The following TNRC18 variants were observed in gnomAD, a reference collection of about 807,000 sequenced individuals.
TNRC18 encodes the protein trinucleotide repeat-containing gene 18 protein.
A neutral mutation model predicts 226.7 loss-of-function variants in TNRC18; 69 were observed. The ratio of observed to expected loss-of-function variants is 0.30; its 90% CI spans 0.25 to 0.37. The LOEUF (loss-of-function observed/expected upper bound fraction) is 0.37, where lower values mean the gene tolerates loss of function less well. Ranked by LOEUF, TNRC18 falls within the 10% of genes least tolerant of loss-of-function variation. The pLI is 1.00. For missense variants in TNRC18, 4,754 were observed against 4,256.6 expected, an observed-to-expected ratio of 1.12 and a Z score of -3.25; for synonymous variants, 2,449 against 1,927.6, an observed-to-expected ratio of 1.27 and a Z score of -7.09.
intron 13 of TNRC18, 48 bp downstream of exon 13, chr7:5,361,849 G>A (rs1793084316): frequency 6.6e-6 from 10 of 1,511,706 alleles, no homozygotes; most frequent in African/African-American, 1.4e-5. Flanking sequence ...CTGGGGGCCT[G>A]GTGGGCCGGG....
chr7:5,422,473 C>G (rs1237369814), intron 1 of TNRC18, among the ~76,000 whole-genome samples: 1 of 152,150 alleles, frequency 6.6e-6, no homozygotes, highest in Non-Finnish European at 1.5e-5. Flanking sequence ...TGTCCTTTGC[C>G]GATTCTCGTG....
chr7:5,383,242 G>A (rs1779523133), intron 5 of TNRC18, among the ~76,000 whole-genome samples: 1 of 152,098 alleles, frequency 6.6e-6, no homozygotes, highest in Admixed American at 6.6e-5. Flanking sequence ...GGGCATGGGG[G>A]CTCTGACTGC....
At chr7:5,317,388 G>C (rs573656735) in intron 24 of TNRC18, among the ~76,000 whole-genome samples, 2 of 152,098 alleles carry the variant, frequency 1.3e-5, no homozygotes, top group African/African-American at 4.8e-5. Flanking sequence ...TCACGAGTTC[G>C]AGGCCAGTCA....
chr7:5,389,471 T>TTTTTTTTTTTTTA, intron 4 of TNRC18, 135 bp from the exon 5 acceptor site: 1 of 923,914 alleles, frequency 1.1e-6, no homozygotes, highest in Non-Finnish European at 1.4e-6. Context: ...GTTTTTTTTT[T>TTTTTTTTTTTTTA]CAGAAAGAGT....
chr7:5,308,047 G>T lies in TNRC18; in HGVS notation c.*59C>A. The T allele has an allele frequency of 1.4e-6, 2 of 1,472,148 alleles. No individual in the cohort carries two copies. The highest frequency in any genetic ancestry group is 1.8e-6 in the Non-Finnish European group (2 of 1,084,320). 91.2% of individuals were successfully genotyped at this position (1,472,148 alleles called of 1,614,324 possible). ...CACGTGGTCTCCGCGCCATGGCAGTGATGGAGATGGGTCCCTGGCCGCCCT... is the reference window on the plus strand; with the variant it reads ...CACGTGGTCTCCGCGCCATGGCAGTTATGGAGATGGGTCCCTGGCCGCCCT... On this transcript the variant is annotated 3_prime_UTR_variant, in exon 30 of 30. Coordinates refer to ENST00000430969, the MANE Select transcript of TNRC18 (RefSeq NM_001080495.3).
At chr7:5,368,169 T>C (rs1168605284) in intron 11 of TNRC18, among the ~76,000 whole-genome samples, 1 of 152,098 alleles carries the variant, frequency 6.6e-6, no homozygotes, top group East Asian at 1.9e-4. Flanking sequence ...AAAACAATGA[T>C]TTTTTAAAAA....
intron 14 of TNRC18, among the ~76,000 whole-genome samples, chr7:5,359,811 G>A (rs528196899): frequency 6.8e-5 from 10 of 147,910 alleles, no homozygotes; most frequent in South Asian, 2.1e-4. Flanking sequence ...TTTCTTGTGC[G>A]CTTTTACGCG....
intron 2 of TNRC18, 23 bp downstream of exon 2, chr7:5,421,031 AGGGGAC>A: frequency 6.5e-7 from 1 of 1,536,156 alleles, no homozygotes; most frequent in South Asian, 1.2e-5. Context: ...GGAAGACAGG[AGGGGAC>A]GGGCACGGCG....
intron 2 of TNRC18, among the ~76,000 whole-genome samples, chr7:5,398,761 G>A (rs1322048352): frequency 6.6e-6 from 1 of 151,004 alleles, no homozygotes; most frequent in Non-Finnish European, 1.5e-5. Context: ...GGGACCACAG[G>A]CACACACCAT....
At chr7:5,420,383 C>CA (rs1196556127) in intron 2 of TNRC18, 1 of 456,244 alleles carries the variant, frequency 2.2e-6, no homozygotes, top group East Asian at 7.0e-5. Context: ...CGCACCTCCG[C>CA]ACCCTCTTTC....
chr7:5,410,400 T>A (rs13235546), intron 2 of TNRC18, among the ~76,000 whole-genome samples: 1 of 149,732 alleles, frequency 6.7e-6, no homozygotes, highest in African/African-American at 2.5e-5. Context: ...CTAGAGAGAA[T>A]AGCAAAAATA....
At chr7:5,352,334 A>G (rs1448853027) in intron 16 of TNRC18, among the ~76,000 whole-genome samples, 1 of 151,188 alleles carries the variant, frequency 6.6e-6, no homozygotes, top group Admixed American at 6.6e-5. Context: ...TGCTGGACCC[A>G]GGCCCTTCCT....
At chr7:5,350,676 G>C (rs1562529158) in intron 17 of TNRC18, among the ~76,000 whole-genome samples, 1 of 152,192 alleles carries the variant, frequency 6.6e-6, no homozygotes, top group African/African-American at 2.4e-5. Flanking sequence ...ATTTCTGGTT[G>C]AAGGGCCCAA....
chr7:5,334,173 G>C (rs1028716794), intron 18 of TNRC18, among the ~76,000 whole-genome samples: 1 of 152,220 alleles, frequency 6.6e-6, no homozygotes, highest in Non-Finnish European at 1.5e-5. Context: ...TACTGACCCC[G>C]GGGGGCAGCC....
intron 10 of TNRC18, among the ~76,000 whole-genome samples, chr7:5,372,288 A>G (rs1794232310): frequency 2.0e-5 from 3 of 150,270 alleles, no homozygotes; most frequent in African/African-American, 7.3e-5. Context: ...CATGTTAGCC[A>G]GGATGGTCTC....
At chr7:5,349,007 G>C (rs1053362687) in intron 17 of TNRC18, among the ~76,000 whole-genome samples, 5 of 152,178 alleles carry the variant, frequency 3.3e-5, no homozygotes, top group Admixed American at 1.3e-4. Context: ...TGAGGCCAGG[G>C]ATCTTCCCTT....
rs140919823 is a variant in TNRC18 at position 5,420,020 on chromosome 7, G to C, written c.187+1040C>G. 1,080 of 164,966 alleles carry C rather than the reference G, an allele frequency of 6.5e-3. 17 individuals carry two copies. The highest frequency in any genetic ancestry group is 0.025 in the African/African-American group (1,017 of 41,430). 10.2% of individuals were successfully genotyped at this position (164,966 alleles called of 1,614,324 possible). On this transcript the variant is annotated intron_variant, in intron 2 of 29. Coordinates refer to ENST00000430969, the MANE Select transcript of TNRC18 (RefSeq NM_001080495.3). Reference sequence around the variant, plus strand: ...TTTAAGTCGAGACTTGGGACGCCAAGCACAAAAGCCAGGGACAGCCCGGGA... The same window carrying C: ...TTTAAGTCGAGACTTGGGACGCCAACCACAAAAGCCAGGGACAGCCCGGGA...
At chr7:5,382,873 G>A (rs1779494476) in intron 5 of TNRC18, among the ~76,000 whole-genome samples, 1 of 152,100 alleles carries the variant, frequency 6.6e-6, no homozygotes, top group African/African-American at 2.4e-5. Flanking sequence ...GTTCATACGG[G>A]CTGCTGGCTC....
chr7:5,315,382 G>A (rs527247205), intron 25 of TNRC18, among the ~76,000 whole-genome samples: 3 of 151,938 alleles, frequency 2.0e-5, no homozygotes, highest in South Asian at 2.1e-4. Flanking sequence ...TTGTGGAACC[G>A]GGACAGGTGG....
Sources: gnomAD v4.1 joint callset for allele counts (sites outside exome capture counted in the v4.1 genomes callset) on GRCh38, gnomAD v4.1.1 for gene constraint, MANE v1.5 for transcripts, NCBI Gene and HGNC (gene_info 2026-07-23, HGNC 2026-07-21) for gene names.